The following CCSER2 variants were observed in gnomAD, a reference collection of about 807,000 sequenced individuals.
CCSER2 encodes the protein serine-rich coiled-coil domain-containing protein 2.
CCSER2 carries 46 observed loss-of-function variants against 92.3 expected under a neutral mutation model. The observed-to-expected ratio is 0.50, with a 90% CI of 0.39 to 0.64. The LOEUF (loss-of-function observed/expected upper bound fraction) is 0.64, where lower values mean the gene tolerates loss of function less well. Ranked by LOEUF, CCSER2 falls within the 30% of genes least tolerant of loss-of-function variation. The probability of loss-of-function intolerance (pLI) is 0.00; values close to 1 mark genes in which losing one functional copy is unlikely to be tolerated. For missense variants in CCSER2, 1,244 were observed against 1,238.9 expected, an observed-to-expected ratio of 1.00 and a Z score of -0.06; for synonymous variants, 433 against 431.4, an observed-to-expected ratio of 1.00 and a Z score of -0.04.
chr10:84,494,797 T>C (rs1450791882), intron 9 of CCSER2, among the ~76,000 whole-genome samples: 1 of 152,192 alleles, frequency 6.6e-6, no homozygotes, highest in Non-Finnish European at 1.5e-5. Context: ...CAAAGTATTA[T>C]CTGTTCATGG....
At chr10:84,494,423 A>C (rs184768524) in intron 9 of CCSER2, among the ~76,000 whole-genome samples, 1 of 152,218 alleles carries the variant, frequency 6.6e-6, no homozygotes, top group East Asian at 1.9e-4. Context: ...GTGAACTGTT[A>C]TCTTAATGCC....
rs1242193474 is a variant in CCSER2, at chr10:84,367,196, TTTTC to T, written c.-39-3813_-39-3810del. Among the ~76,000 whole-genome samples, 309 of 152,202 alleles carry T rather than the reference TTTTC, an allele frequency of 2.0e-3. 1 individual carries two copies. The highest frequency in any genetic ancestry group is 7.3e-3 in the African/African-American group (304 of 41,524). On this transcript the variant is annotated intron_variant, in intron 1 of 9. Coordinates refer to ENST00000372088, the MANE Select transcript of CCSER2 (RefSeq NM_001284240.2). ...ATTTGCATCTGTGATTTGATATATT[TTTTC>T]TTTCCCTCCATAGATTTTTTTTCAC...
chr10:84,340,223 T>C (rs889056539), intron 1 of CCSER2, among the ~76,000 whole-genome samples: 3 of 152,350 alleles, frequency 2.0e-5, no homozygotes, highest in South Asian at 4.1e-4. Context: ...TTATGCCTCT[T>C]CCATCTGTCC....
At chr10:84,474,946 T>G (rs1847048069) in intron 8 of CCSER2, among the ~76,000 whole-genome samples, 1 of 152,190 alleles carries the variant, frequency 6.6e-6, no homozygotes, top group Non-Finnish European at 1.5e-5. Flanking sequence ...TGGTTTCTTA[T>G]TGGTCATTTG....
chr10:84,375,768 C>T (rs2133189846), intron 3 of CCSER2, among the ~76,000 whole-genome samples: 1 of 149,390 alleles, frequency 6.7e-6, no homozygotes, highest in Middle Eastern at 3.5e-3. Context: ...GAGTTTAATC[C>T]TTTTATGTTT....
intron 5 of CCSER2, 44 bp from the exon 6 acceptor site, chr10:84,438,468 G>C: frequency 1.1e-6 from 1 of 879,030 alleles, no homozygotes; most frequent in East Asian, 2.9e-5. Flanking sequence ...TTCTGAAATT[G>C]TATTGTATAT....
intron 6 of CCSER2, among the ~76,000 whole-genome samples, chr10:84,442,119 A>T (rs1276607596): frequency 1.3e-5 from 2 of 152,106 alleles, no homozygotes; most frequent in Admixed American, 6.6e-5. Context: ...AGGGGTCATA[A>T]ATGTATGTTT....
intron 9 of CCSER2, among the ~76,000 whole-genome samples, chr10:84,493,736 A>G (rs1373034141): frequency 6.6e-6 from 1 of 152,166 alleles, no homozygotes; most frequent in African/African-American, 2.4e-5. Context: ...ACAGATGGGG[A>G]GAGGGTTGTG....
chr10:84,345,159 A>C (rs113960660), intron 1 of CCSER2, among the ~76,000 whole-genome samples: 12 of 152,336 alleles, frequency 7.9e-5, no homozygotes, highest in African/African-American at 2.9e-4. Flanking sequence ...CGGAAAATTA[A>C]GTAGGCCTGT....
chr10:84,406,838 G>C (rs556264628), intron 3 of CCSER2, among the ~76,000 whole-genome samples: 1 of 152,144 alleles, frequency 6.6e-6, no homozygotes, highest in Non-Finnish European at 1.5e-5. Flanking sequence ...CTGTAAAAAT[G>C]CAGTTTCTAC....
intron 3 of CCSER2, among the ~76,000 whole-genome samples, chr10:84,402,206 A>G (rs1398107748): frequency 2.0e-5 from 3 of 152,132 alleles, no homozygotes; most frequent in Non-Finnish European, 2.9e-5. Flanking sequence ...CCATAACTGC[A>G]ATGCCTGCCC....
chr10:84,442,998 G>A (rs559782948), intron 6 of CCSER2, among the ~76,000 whole-genome samples: 1 of 152,070 alleles, frequency 6.6e-6, no homozygotes, highest in African/African-American at 2.4e-5. Flanking sequence ...AAATTAACTC[G>A]AGATGGATTA....
Position 84,514,373 on chromosome 10 carries a change from C to A in CCSER2, c.*106C>A. On this transcript the variant is annotated 3_prime_UTR_variant, in exon 10 of 10. Transcript: ENST00000372088. ...ACTGTGGTGGAGGTTCCATTGAAAG[C>A]CTGCAAATCTTAAATTAAAATGTGG... 1 of 777,912 alleles carries A rather than the reference C, an allele frequency of 1.3e-6. No homozygotes were observed. The highest frequency in any genetic ancestry group is 2.0e-6 in the Non-Finnish European group (1 of 503,002). The allele number at this position is 777,912 out of a possible 1,614,324, so 48.2% of individuals were successfully genotyped here.
intron 1 of CCSER2, among the ~76,000 whole-genome samples, chr10:84,329,443 G>A (rs1031198513): frequency 1.3e-5 from 2 of 152,180 alleles, no homozygotes; most frequent in Non-Finnish European, 2.9e-5. Flanking sequence ...TGGGCTCCCC[G>A]ACCAATGAGG....
In CCSER2 at chr10:84,463,116, A is replaced by G. The variant is rs573926210; in HGVS notation, c.2065-817A>G. ...TGAACCATTGAGCATGTGGTTTCTT[A>G]GTACTAAACCAGTTCAGCAAAGGGT... On this transcript the variant is annotated intron_variant, in intron 6 of 9. Coordinates refer to ENST00000372088, the MANE Select transcript of CCSER2 (RefSeq NM_001284240.2). Among the ~76,000 whole-genome samples, 17 of 152,316 alleles carry G rather than the reference A, an allele frequency of 1.1e-4. No individual in the cohort carries two copies. The South Asian group carries it at 2.9e-3, about 26-fold the overall frequency.
intron 6 of CCSER2, among the ~76,000 whole-genome samples, chr10:84,441,244 A>G (rs1281921023): frequency 6.6e-6 from 1 of 151,428 alleles, no homozygotes; most frequent in African/African-American, 2.4e-5. Context: ...GGGTTTGGTT[A>G]TGTTTCCTGG....
intron 1 of CCSER2, among the ~76,000 whole-genome samples, chr10:84,364,385 T>G (rs949961847): frequency 6.6e-6 from 1 of 152,348 alleles, no homozygotes; most frequent in African/African-American, 2.4e-5. Context: ...ACATCATTGC[T>G]TGGCTCACTG....
At chr10:84,437,176 C>G (rs933030362) in intron 5 of CCSER2, among the ~76,000 whole-genome samples, 28 of 148,766 alleles carry the variant, frequency 1.9e-4, no homozygotes, top group African/African-American at 6.2e-4. Context: ...GAGAGAGAGA[C>G]AGAGAGACAG....
intron 9 of CCSER2, among the ~76,000 whole-genome samples, chr10:84,488,659 T>C (rs1339826739): frequency 6.6e-6 from 1 of 152,162 alleles, no homozygotes; most frequent in Non-Finnish European, 1.5e-5. Context: ...GCTAGCAGTA[T>C]ATCAATTTTG....
Sources: gnomAD v4.1 joint callset for allele counts (sites outside exome capture counted in the v4.1 genomes callset) on GRCh38, gnomAD v4.1.1 for gene constraint, MANE v1.5 for transcripts, NCBI Gene and HGNC (gene_info 2026-07-23, HGNC 2026-07-21) for gene names.